GALNT13: variants seen among roughly 807,000 people sequenced by gnomAD.
GALNT13 encodes the protein UDP-GalNAc:polypeptide N-acetylgalactosaminyltransferase 13.
In GALNT13, 28 loss-of-function variants were observed where a neutral mutation model predicts 64.2. That is an observed-to-expected ratio of 0.44 (90% CI 0.32 to 0.60). The LOEUF (loss-of-function observed/expected upper bound fraction) is 0.60, where lower values mean the gene tolerates loss of function less well. GALNT13 is among the 20% of genes least tolerant of loss of function. The pLI is 0.05. For synonymous variants in GALNT13, 214 were observed against 224.6 expected (o/e 0.95, Z 0.42); for missense variants, 577 against 669.8 (o/e 0.86, Z 1.53).
chr2:153,108,005 G>A, the GALNT13 span, among the ~76,000 whole-genome samples: 1 of 152,078 alleles, frequency 6.6e-6, no homozygotes, highest in South Asian at 2.1e-4. Flanking sequence ...AGCCTCCCAA[G>A]TAGCTGGGAT....
the GALNT13 span, among the ~76,000 whole-genome samples, chr2:153,226,859 G>A: frequency 6.6e-6 from 1 of 152,204 alleles, no homozygotes; most frequent in Non-Finnish European, 1.5e-5. Context: ...AATGTACCAT[G>A]CTAATGAAAG....
the GALNT13 span, among the ~76,000 whole-genome samples, chr2:153,095,644 C>T: frequency 0.33 from 50,803 of 151,990 alleles, 9,396 homozygotes; most frequent in Non-Finnish European, 0.44. Context: ...ACCCAAATGT[C>T]CATCAATGAT....
intron 3 of GALNT13, among the ~76,000 whole-genome samples, chr2:154,093,805 C>T (rs1701942232): frequency 6.6e-6 from 1 of 151,124 alleles, no homozygotes; most frequent in Non-Finnish European, 1.5e-5. Flanking sequence ...CAGTGTACAA[C>T]TAGTGTATTA....
chr2:153,869,795 C>T (rs958882717), upstream of GALNT13, among the ~76,000 whole-genome samples: 2 of 152,068 alleles, frequency 1.3e-5, no homozygotes, highest in Admixed American at 1.3e-4. Context: ...ATTATAGTTT[C>T]TCCCATCAAG....
At chr2:153,130,292 C>G in the GALNT13 span, among the ~76,000 whole-genome samples, 234 of 152,274 alleles carry the variant, frequency 1.5e-3, no homozygotes, top group Non-Finnish European at 2.8e-3. Context: ...CCTCAAAACC[C>G]CTGTTTGAGT....
chr2:154,178,598 C>T (rs1685786284), intron 4 of GALNT13, among the ~76,000 whole-genome samples: 1 of 152,156 alleles, frequency 6.6e-6, no homozygotes, highest in Non-Finnish European at 1.5e-5. Flanking sequence ...CTTCCTCTCG[C>T]TCAATCTGCA....
chr2:153,364,927 G>T, the GALNT13 span, among the ~76,000 whole-genome samples: 1 of 151,980 alleles, frequency 6.6e-6, no homozygotes, highest in African/African-American at 2.4e-5. Flanking sequence ...AGAGCCCATG[G>T]AGCCAAGACA....
intron 12 of GALNT13, among the ~76,000 whole-genome samples, chr2:154,448,954 G>A (rs777101343): frequency 5.3e-5 from 8 of 151,894 alleles, no homozygotes; most frequent in South Asian, 2.1e-4. Context: ...CCACAGGTAC[G>A]TAACAAAAAT....
At chr2:154,303,668 C>T (rs1409963338) in intron 9 of GALNT13, among the ~76,000 whole-genome samples, 1 of 152,116 alleles carries the variant, frequency 6.6e-6, no homozygotes, top group Non-Finnish European at 1.5e-5. Flanking sequence ...GTTAAATAAA[C>T]CCATCTAATG....
chr2:153,293,848 A>G, the GALNT13 span, among the ~76,000 whole-genome samples: 4 of 151,206 alleles, frequency 2.6e-5, no homozygotes, highest in African/African-American at 7.3e-5. Flanking sequence ...CTGAAGTGCA[A>G]TGGTGCAATC....
chr2:153,884,748 G>T (rs1277164905), intron 1 of GALNT13, among the ~76,000 whole-genome samples: 1 of 139,928 alleles, frequency 7.1e-6, no homozygotes, highest in Non-Finnish European at 1.5e-5. Context: ...GTGAAACCCA[G>T]TCTGTACTAA....
At chr2:154,456,262 T>C (rs1702032195), downstream of GALNT13, among the ~76,000 whole-genome samples, 1 of 151,694 alleles carries the variant, frequency 6.6e-6, no homozygotes, top group African/African-American at 2.4e-5. Context: ...AAAAATGTTT[T>C]AGATATATGC....
the GALNT13 span, among the ~76,000 whole-genome samples, chr2:153,786,935 C>T: frequency 2.6e-5 from 4 of 152,066 alleles, no homozygotes; most frequent in South Asian, 2.1e-4. Context: ...GGCAGGGAAC[C>T]GCTGGCTCGG....
chr2:154,022,305 A>G (rs1207811591), intron 3 of GALNT13, among the ~76,000 whole-genome samples: 2 of 152,176 alleles, frequency 1.3e-5, no homozygotes, highest in East Asian at 3.8e-4. Flanking sequence ...TATCTCTGGT[A>G]GAATTCGGCT....
the GALNT13 span, among the ~76,000 whole-genome samples, chr2:153,403,105 T>C: frequency 1.3e-4 from 19 of 151,792 alleles, no homozygotes; most frequent in Non-Finnish European, 2.2e-4. Context: ...GATGGGTTTT[T>C]GGTGTGGATG....
intron 4 of GALNT13, among the ~76,000 whole-genome samples, chr2:154,225,227 G>C (rs138887126): frequency 1.3e-5 from 2 of 151,910 alleles, no homozygotes; most frequent in African/African-American, 4.8e-5. Context: ...GAAAATTGAC[G>C]TTTCACACAT....
chr2:153,843,457 C>A, the GALNT13 span, among the ~76,000 whole-genome samples: 114 of 152,172 alleles, frequency 7.5e-4, 2 homozygotes, highest in Non-Finnish European at 2.8e-4. Flanking sequence ...CCCACCAGAC[C>A]CCACCTCTAG....
the GALNT13 span, among the ~76,000 whole-genome samples, chr2:153,652,996 A>T: frequency 6.6e-6 from 1 of 152,192 alleles, no homozygotes; most frequent in Non-Finnish European, 1.5e-5. Context: ...ACACAGATAC[A>T]TACATATATG....
At chr2:153,652,973 C>A in the GALNT13 span, among the ~76,000 whole-genome samples, 1 of 151,718 alleles carries the variant, frequency 6.6e-6, no homozygotes, top group Non-Finnish European at 1.5e-5. Context: ...GATATATATA[C>A]ATATATATGC....
Sources: allele counts gnomAD v4.1 joint callset (sites outside exome capture counted in the v4.1 genomes callset), GRCh38; gene constraint gnomAD v4.1.1; transcripts MANE v1.5; gene names NCBI Gene and HGNC (gene_info 2026-07-23, HGNC 2026-07-21).